ABTB3: variants seen among roughly 807,000 people sequenced by gnomAD.
ABTB3 encodes the protein ankyrin repeat- and BTB/POZ domain-containing protein 3.
chr12:107,464,206 AGTGTGTGTGTGTGTGTGTGTGTGTGT>A, the ABTB3 span, among the ~76,000 whole-genome samples: 15 of 133,534 alleles, frequency 1.1e-4, no homozygotes, highest in Admixed American at 3.0e-4. Context: ...ACATGTGAAG[AGTGTGTGTGTGTGTGTGTGTGTGTGT>A]GTGTGTGTGT....
chr12:107,657,606 A>G, the ABTB3 span: 7 of 1,614,236 alleles, frequency 4.3e-6, no homozygotes, highest in South Asian at 5.5e-5. Context: ...CAGCTCCTGT[A>G]TGACAAAAAT....
At chr12:107,407,838 C>G in the ABTB3 span, among the ~76,000 whole-genome samples, 1 of 151,990 alleles carries the variant, frequency 6.6e-6, no homozygotes, top group Non-Finnish European at 1.5e-5. Flanking sequence ...TCAGCTCTAC[C>G]AGCTCTCCTA....
the ABTB3 span, among the ~76,000 whole-genome samples, chr12:107,485,414 G>A: frequency 6.6e-6 from 1 of 152,160 alleles, no homozygotes. Context: ...ACAATCACAT[G>A]GGTACTACCT....
At chr12:107,630,304 A>T in the ABTB3 span, among the ~76,000 whole-genome samples, 1 of 152,166 alleles carries the variant, frequency 6.6e-6, no homozygotes, top group Admixed American at 6.5e-5. Flanking sequence ...GAATGAATGA[A>T]TGAGTGAATA....
At chr12:107,595,627 T>A in the ABTB3 span, among the ~76,000 whole-genome samples, 1 of 152,158 alleles carries the variant, frequency 6.6e-6, no homozygotes, top group African/African-American at 2.4e-5. Flanking sequence ...AGGCCTTTGA[T>A]AGCACAGAGG....
the ABTB3 span, among the ~76,000 whole-genome samples, chr12:107,613,588 A>G: frequency 6.6e-6 from 1 of 152,148 alleles, no homozygotes; most frequent in African/African-American, 2.4e-5. Context: ...CGGGAAAATA[A>G]TTGCACCCAT....
chr12:107,507,697 A>G, the ABTB3 span, among the ~76,000 whole-genome samples: 3 of 152,024 alleles, frequency 2.0e-5, no homozygotes, highest in Non-Finnish European at 4.4e-5. Flanking sequence ...CAATCCCCAC[A>G]ATGCACCATG....
At chr12:107,632,635 TCTCATGGC>T in the ABTB3 span, among the ~76,000 whole-genome samples, 6 of 152,222 alleles carry the variant, frequency 3.9e-5, no homozygotes, top group Non-Finnish European at 7.3e-5. Context: ...CTGTTTATTA[TCTCATGGC>T]TTCTCTGGGT....
chr12:107,416,900 T>C, the ABTB3 span, among the ~76,000 whole-genome samples: 1 of 152,166 alleles, frequency 6.6e-6, no homozygotes, highest in Non-Finnish European at 1.5e-5. Flanking sequence ...CCCAAAGCAA[T>C]AGGATTATAG....
the ABTB3 span, among the ~76,000 whole-genome samples, chr12:107,544,831 A>T: frequency 6.6e-6 from 1 of 152,238 alleles, no homozygotes. Flanking sequence ...TGTGATCCTG[A>T]CTGCCTAGGT....
the ABTB3 span, among the ~76,000 whole-genome samples, chr12:107,331,496 CCCTT>C: frequency 2.0e-5 from 3 of 152,176 alleles, no homozygotes; most frequent in Non-Finnish European, 4.4e-5. Context: ...GGGGAGCTGC[CCCTT>C]CCTTGGGCTT....
chr12:107,540,603 C>T, the ABTB3 span, among the ~76,000 whole-genome samples: 2 of 152,160 alleles, frequency 1.3e-5, no homozygotes, highest in African/African-American at 2.4e-5. Flanking sequence ...CTCAGTGGAT[C>T]GTAGTCTAGT....
chr12:107,393,987 T>C, the ABTB3 span, among the ~76,000 whole-genome samples: 20 of 152,042 alleles, frequency 1.3e-4, no homozygotes, highest in Non-Finnish European at 2.5e-4. Flanking sequence ...AGAGGTGAGT[T>C]AACTTCCTTA....
the ABTB3 span, among the ~76,000 whole-genome samples, chr12:107,456,568 A>G: frequency 6.6e-6 from 1 of 152,228 alleles, no homozygotes; most frequent in Non-Finnish European, 1.5e-5. Flanking sequence ...CACTGATTCT[A>G]CACGATGATG....
the ABTB3 span, among the ~76,000 whole-genome samples, chr12:107,386,145 A>G: frequency 6.6e-6 from 1 of 152,278 alleles, no homozygotes; most frequent in South Asian, 2.1e-4. Context: ...CTCTGCTGGA[A>G]TACTCTTCCT....
chr12:107,354,505 G>T, the ABTB3 span, among the ~76,000 whole-genome samples: 3 of 152,090 alleles, frequency 2.0e-5, no homozygotes, highest in Non-Finnish European at 4.4e-5. Flanking sequence ...ATAATAGCTG[G>T]TCTTTTGTGT....
the ABTB3 span, among the ~76,000 whole-genome samples, chr12:107,436,057 C>G: frequency 6.6e-6 from 1 of 152,234 alleles, no homozygotes; most frequent in South Asian, 2.1e-4. Flanking sequence ...CTCTGCATTT[C>G]CAGGGCACCC....
the ABTB3 span, among the ~76,000 whole-genome samples, chr12:107,432,825 C>G: frequency 1.3e-5 from 2 of 152,026 alleles, no homozygotes; most frequent in African/African-American, 4.8e-5. Flanking sequence ...ATAACAAGCT[C>G]CCCCCGAGGT....
chr12:107,361,578 A>C, the ABTB3 span, among the ~76,000 whole-genome samples: 1 of 152,186 alleles, frequency 6.6e-6, no homozygotes. Flanking sequence ...TTGATCCCCC[A>C]GTTCATAAAA....
Sources: gnomAD v4.1 joint callset for allele counts (sites outside exome capture counted in the v4.1 genomes callset) on GRCh38, gnomAD v4.1.1 for gene constraint, MANE v1.5 for transcripts, NCBI Gene and HGNC (gene_info 2026-07-23, HGNC 2026-07-21) for gene names.